The following LIMS1 variants were observed in gnomAD, a reference collection of about 807,000 sequenced individuals.
LIMS1 encodes LIM and senescent cell antigen-like-containing domain protein 1.
In LIMS1, 18 loss-of-function variants were observed where a neutral mutation model predicts 44.1. The ratio of observed to expected loss-of-function variants is 0.41; its 90% CI spans 0.28 to 0.61. The LOEUF is 0.61. Ranked by LOEUF, LIMS1 falls within the 20% of genes least tolerant of loss-of-function variation. The probability of loss-of-function intolerance (pLI) is 0.32; values close to 1 mark genes in which losing one functional copy is unlikely to be tolerated. For synonymous variants in LIMS1, 93 were observed against 149.1 expected, an observed-to-expected ratio of 0.62 and a Z score of 2.74; for missense variants, 201 against 422.0, an observed-to-expected ratio of 0.48 and a Z score of 4.59.
At chr2:108,668,564 A>G (rs1691949924) in intron 2 of LIMS1, among the ~76,000 whole-genome samples, 2 of 152,194 alleles carry the variant, frequency 1.3e-5, no homozygotes, top group South Asian at 4.1e-4. Flanking sequence ...ATGGCCAAAG[A>G]GTACTCCGCT....
At chr2:108,676,627 G>A (rs1447768356) in exon 7 of LIMS1, 1 of 1,560,830 alleles carries the variant, frequency 6.4e-7, no homozygotes. Context: ...TGCCAAGTGT[G>A]AGAAACCCTT....
intron 1 of LIMS1, among the ~76,000 whole-genome samples, chr2:108,552,475 G>A (rs1684785226): frequency 7.0e-6 from 1 of 143,342 alleles, no homozygotes; most frequent in East Asian, 2.0e-4. Flanking sequence ...ATATATAATA[G>A]TAATACATTA....
Position 108,610,050 on chromosome 2 carries a change from G to A in LIMS1, c.33-49555G>A, listed in dbSNP as rs565140095. Among the ~76,000 whole-genome samples, 290 of 152,196 alleles carry A rather than the reference G, an allele frequency of 1.9e-3. 3 individuals are homozygous for A. The highest frequency in any genetic ancestry group is 6.6e-3 in the African/African-American group (276 of 41,516). ...CCCAGCTACTTGGGAGGCTGAGGCA[G>A]GAGAATGGCGTGAACCTGGGAGGTG... is the stretch of plus-strand genomic sequence containing the variant. On this transcript the variant is annotated intron_variant, in intron 1 of 9. Transcript: ENST00000544547.
intron 1 of LIMS1, among the ~76,000 whole-genome samples, chr2:108,641,819 T>G (rs1163114135): frequency 2.0e-5 from 3 of 152,184 alleles, no homozygotes; most frequent in Admixed American, 2.0e-4. Context: ...CTGGCCAAAC[T>G]TTGTCTGTTT....
chr2:108,583,686 TG>T (rs1384335527), intron 1 of LIMS1, among the ~76,000 whole-genome samples: 2 of 135,662 alleles, frequency 1.5e-5, no homozygotes, highest in African/African-American at 5.3e-5. Context: ...CCTGTTATTT[TG>T]TTGTTGCTGT....
intron 1 of LIMS1, among the ~76,000 whole-genome samples, chr2:108,562,081 T>G (rs1208972018): frequency 7.2e-5 from 11 of 152,180 alleles, no homozygotes; most frequent in Admixed American, 7.2e-4. Context: ...GTAATTGTTT[T>G]GAGATACCAC....
At chr2:108,674,834 T>G (rs1365649621) in intron 5 of LIMS1, among the ~76,000 whole-genome samples, 2 of 150,650 alleles carry the variant, frequency 1.3e-5, no homozygotes, top group Admixed American at 1.3e-4. Context: ...TTCTTGCCTG[T>G]CCTTCCTCTT....
intron 1 of LIMS1, among the ~76,000 whole-genome samples, chr2:108,633,166 A>G (rs1263993130): frequency 6.6e-6 from 1 of 152,152 alleles, no homozygotes; most frequent in East Asian, 1.9e-4. Flanking sequence ...CAGCATCTTA[A>G]TTCTTACTAA....
intron 5 of LIMS1, among the ~76,000 whole-genome samples, chr2:108,674,369 T>C (rs1692366312): frequency 6.6e-6 from 1 of 152,012 alleles, no homozygotes; most frequent in South Asian, 2.1e-4. Flanking sequence ...CTGTAGTTAA[T>C]GTGAACTTAC....
At chr2:108,623,933 T>A (rs1303199210) in intron 1 of LIMS1, among the ~76,000 whole-genome samples, 4 of 152,256 alleles carry the variant, frequency 2.6e-5, no homozygotes, top group African/African-American at 9.6e-5. Context: ...GTAATACACA[T>A]GAAAATAGTT....
intron 1 of LIMS1, among the ~76,000 whole-genome samples, chr2:108,539,274 A>G (rs184908028): frequency 6.6e-6 from 1 of 152,280 alleles, no homozygotes; most frequent in East Asian, 1.9e-4. Flanking sequence ...TTGTAGTGAC[A>G]GGGTTTCCCC....
intron 1 of LIMS1, among the ~76,000 whole-genome samples, chr2:108,609,624 T>C (rs1023490779): frequency 1.3e-5 from 2 of 152,182 alleles, no homozygotes; most frequent in Non-Finnish European, 2.9e-5. Flanking sequence ...TATCCCTTAA[T>C]GTATTTCATA....
intron 1 of LIMS1, among the ~76,000 whole-genome samples, chr2:108,551,211 T>A (rs1429959388): frequency 6.6e-6 from 1 of 151,442 alleles, no homozygotes; most frequent in Non-Finnish European, 1.5e-5. Flanking sequence ...TGTATAAGGC[T>A]TTTATGTATT....
chr2:108,649,778 T>C (rs1048438254), intron 1 of LIMS1, among the ~76,000 whole-genome samples: 3 of 151,850 alleles, frequency 2.0e-5, no homozygotes, highest in African/African-American at 7.3e-5. Flanking sequence ...TGAGAACACA[T>C]GGACACAGGG....
chr2:108,534,695 C>A, intron 1 of LIMS1, 101 bp downstream of exon 1: 1 of 674,098 alleles, frequency 1.5e-6, no homozygotes, highest in Non-Finnish European at 1.8e-6. Context: ...GGCGGCCGGG[C>A]TTTCCCCGCG....
intron 2 of LIMS1, among the ~76,000 whole-genome samples, chr2:108,661,969 G>C (rs1691407033): frequency 6.6e-6 from 1 of 152,054 alleles, no homozygotes; most frequent in South Asian, 2.1e-4. Context: ...GAGCCTAGCT[G>C]GTCTCCTAGT....
chr2:108,555,305 T>C (rs1318357343), intron 1 of LIMS1, among the ~76,000 whole-genome samples: 1 of 152,152 alleles, frequency 6.6e-6, no homozygotes, highest in African/African-American at 2.4e-5. Flanking sequence ...TTCTGTGACC[T>C]TGAGGGGATC....
chr2:108,616,336 C>G (rs1687933248), intron 1 of LIMS1, among the ~76,000 whole-genome samples: 1 of 151,816 alleles, frequency 6.6e-6, no homozygotes, highest in African/African-American at 2.4e-5. Context: ...CTCAGTCTCC[C>G]TCGTAGTTGG....
intron 1 of LIMS1, among the ~76,000 whole-genome samples, chr2:108,637,973 A>G (rs1689392092): frequency 6.6e-6 from 1 of 151,488 alleles, no homozygotes; most frequent in African/African-American, 2.4e-5. Flanking sequence ...CTCCTACCTC[A>G]GCCTCCTTAG....
Sources: allele counts gnomAD v4.1 joint callset (sites outside exome capture counted in the v4.1 genomes callset), GRCh38; gene constraint gnomAD v4.1.1; transcripts MANE v1.5; gene names NCBI Gene and HGNC (gene_info 2026-07-23, HGNC 2026-07-21).